Variants in NEO1 observed in about 807,000 individuals in gnomAD.
NEO1 encodes neogenin.
NEO1 carries 63 observed loss-of-function variants against 159.7 expected under a neutral mutation model. The ratio of observed to expected loss-of-function variants is 0.39; its 90% CI spans 0.32 to 0.49. The LOEUF is 0.49. Ranked by LOEUF, NEO1 falls within the 20% of genes least tolerant of loss-of-function variation. The probability of loss-of-function intolerance (pLI) is 0.85; values close to 1 mark genes in which losing one functional copy is unlikely to be tolerated. For synonymous variants in NEO1, 633 were observed against 662.0 expected (o/e 0.96, Z 0.67); for missense variants, 1,615 against 1,831.0 (o/e 0.88, Z 2.15).
At chr15:73,111,921 C>CA (rs1308830442) in intron 1 of NEO1, among the ~76,000 whole-genome samples, 1 of 152,074 alleles carries the variant, frequency 6.6e-6, no homozygotes, top group Non-Finnish European at 1.5e-5. Flanking sequence ...AAGGGTGAGC[C>CA]ACAGCACCCA....
intron 7 of NEO1, chr15:73,221,967 G>C (rs2038300851): frequency 6.4e-6 from 1 of 155,508 alleles, no homozygotes; most frequent in African/African-American, 2.4e-5. Context: ...GCACTCCCTA[G>C]TGAGATGAAC....
chr15:73,231,470 G>T (rs1388692319), intron 7 of NEO1, among the ~76,000 whole-genome samples: 1 of 152,172 alleles, frequency 6.6e-6, no homozygotes, highest in Non-Finnish European at 1.5e-5. Flanking sequence ...GGTGGCTCCT[G>T]CCTGTAATCC....
intron 7 of NEO1, among the ~76,000 whole-genome samples, chr15:73,235,369 G>T (rs1473002959): frequency 6.6e-6 from 1 of 152,116 alleles, no homozygotes. Context: ...GAGATTTTAG[G>T]TTCAATATTA....
At chr15:73,182,303 G>A (rs1320412572) in intron 7 of NEO1, among the ~76,000 whole-genome samples, 1 of 151,958 alleles carries the variant, frequency 6.6e-6, no homozygotes, top group African/African-American at 2.4e-5. Context: ...TAGAAGAATG[G>A]TGACACCTTT....
chr15:73,074,651 A>G (rs2068686873), intron 1 of NEO1, among the ~76,000 whole-genome samples: 1 of 152,142 alleles, frequency 6.6e-6, no homozygotes, highest in Non-Finnish European at 1.5e-5. Flanking sequence ...CTCATGTTTG[A>G]AGTAGTATAG....
chr15:73,093,442 T>C (rs1367055485), intron 1 of NEO1, among the ~76,000 whole-genome samples: 5 of 152,248 alleles, frequency 3.3e-5, no homozygotes, highest in Admixed American at 6.5e-5. Flanking sequence ...ATTTGTCTTT[T>C]TTCTCCATTT....
chr15:73,228,356 T>G (rs1157085750), intron 7 of NEO1, among the ~76,000 whole-genome samples: 2 of 152,168 alleles, frequency 1.3e-5, no homozygotes, highest in East Asian at 1.9e-4. Flanking sequence ...ATGTGCTTAT[T>G]CTATGTTTTC....
At chr15:73,155,198 C>A (rs1240593936) in intron 5 of NEO1, among the ~76,000 whole-genome samples, 2 of 151,736 alleles carry the variant, frequency 1.3e-5, no homozygotes, top group East Asian at 3.9e-4. Flanking sequence ...ATATAAAATT[C>A]TTGGCTGATG....
In NEO1 at chr15:73,115,617, C is replaced by A. The variant is rs949294478; in HGVS notation, c.131-923C>A. Among the ~76,000 whole-genome samples, 58 of 152,052 alleles carry A rather than the reference C, an allele frequency of 3.8e-4. 1 individual carries two copies. The highest frequency in any genetic ancestry group is 1.3e-3 in the African/African-American group (52 of 41,398). ...TAGTTTCATTTGCTGGATTGGGTTT[C>A]TCTGATTTTTCACATGAAGAAAGCT... On this transcript the variant is annotated intron_variant, in intron 1 of 28. Transcript: ENST00000261908.
intron 3 of NEO1, among the ~76,000 whole-genome samples, chr15:73,123,736 C>T (rs2071807696): frequency 6.6e-6 from 1 of 152,066 alleles, no homozygotes; most frequent in Non-Finnish European, 1.5e-5. Flanking sequence ...GACTGTTTAC[C>T]TTCTGTTCTC....
At chr15:73,116,514 T>C in intron 1 of NEO1, 26 bp from the exon 2 acceptor site, 1 of 1,496,714 alleles carries the variant, frequency 6.7e-7, no homozygotes, top group Non-Finnish European at 8.9e-7. Flanking sequence ...TTTGCTTAAC[T>C]TTGTTCTTTT....
At position 73,245,575 on chromosome 15, in the gene NEO1, A is replaced by C. The variant is rs569263068; in HGVS notation, c.1606+1077A>C. Among the ~76,000 whole-genome samples, 18 of 150,064 alleles carry C rather than the reference A, an allele frequency of 1.2e-4. No homozygotes were observed. In the East Asian group the frequency reaches 3.1e-3, roughly 26 times the overall value. On this transcript the variant is annotated intron_variant, in intron 9 of 28. Transcript: ENST00000261908. ...ACAAATTACTGTTTTTCCTCAGTGTATTCTTTTTTTTTTTTTTGAGGCGGA... is the reference window on the plus strand; with the variant it reads ...ACAAATTACTGTTTTTCCTCAGTGTCTTCTTTTTTTTTTTTTTGAGGCGGA...
intron 8 of NEO1, among the ~76,000 whole-genome samples, chr15:73,239,919 GT>G (rs1236144660): frequency 1.3e-5 from 2 of 152,158 alleles, no homozygotes; most frequent in Non-Finnish European, 2.9e-5. Context: ...ACCAGGGACA[GT>G]TTTGCCCCCT....
Position 73,238,556 on chromosome 15 carries a change from G to A in NEO1, c.1451+2050G>A, listed in dbSNP as rs187925690. 2.6e-5 allele frequency among the ~76,000 whole-genome samples: 4 copies of A among 151,526 alleles called. No individual in the cohort carries two copies. In the East Asian group the frequency reaches 7.7e-4, roughly 29 times the overall value. ...CTGTCTTAAATTATAGATGGATTAA[G>A]AGATAAATATTTTTAAAATCTATAA... On this transcript the variant is annotated intron_variant, in intron 8 of 28. Coordinates refer to ENST00000261908, the MANE Select transcript of NEO1 (RefSeq NM_002499.4).
In NEO1 at chr15:73,192,107, TAAAA is replaced by T. The variant is rs572375126; in HGVS notation, c.1291+13681_1291+13684del. Among the ~76,000 whole-genome samples, 7 of 152,138 alleles carry T rather than the reference TAAAA, an allele frequency of 4.6e-5. No homozygotes were observed. The South Asian group carries it at 1.2e-3, about 27-fold the overall frequency. ...TTATACCTTTTATTGTCTACTTAAA[TAAAA>T]GTACTACTCTGATAAAGAATTATTG... On this transcript the variant is annotated intron_variant, in intron 7 of 28. Transcript: ENST00000261908.
intron 1 of NEO1, among the ~76,000 whole-genome samples, chr15:73,072,287 T>C (rs2068576126): frequency 6.6e-6 from 1 of 152,090 alleles, no homozygotes; most frequent in Admixed American, 6.6e-5. Flanking sequence ...TGAAATGTCA[T>C]TAGAATTTGG....
chr15:73,261,712 A>G (rs187034361), intron 15 of NEO1, among the ~76,000 whole-genome samples: 151 of 152,330 alleles, frequency 9.9e-4, no homozygotes, highest in African/African-American at 3.4e-3. Flanking sequence ...AAGCCGTGAT[A>G]TTACTAAGGT....
At chr15:73,277,893 C>T (rs907278208) in intron 21 of NEO1, among the ~76,000 whole-genome samples, 3 of 152,208 alleles carry the variant, frequency 2.0e-5, no homozygotes, top group African/African-American at 7.2e-5. Context: ...TGACAGTCAG[C>T]TCACAGCCGT....
At chr15:73,122,059 GTGTGTA>G (rs1393660605) in intron 2 of NEO1, among the ~76,000 whole-genome samples, 2 of 53,704 alleles carry the variant, frequency 3.7e-5, no homozygotes, top group African/African-American at 2.0e-4. Flanking sequence ...GTGTGTGTGT[GTGTGTA>G]TATATATATA....
Sources: gnomAD v4.1 joint callset for allele counts (sites outside exome capture counted in the v4.1 genomes callset) on GRCh38, gnomAD v4.1.1 for gene constraint, MANE v1.5 for transcripts, NCBI Gene and HGNC (gene_info 2026-07-23, HGNC 2026-07-21) for gene names.